The following SND1 variants were observed in gnomAD, a reference collection of about 807,000 sequenced individuals.
SND1 encodes the protein staphylococcal nuclease and tudor domain containing 1.
Under a neutral mutation model 121.7 loss-of-function variants are expected in SND1, and 38 were observed. The ratio of observed to expected loss-of-function variants is 0.31; its 90% CI spans 0.24 to 0.41. SND1 has a LOEUF of 0.41. Ranked by LOEUF, SND1 falls within the 10% of genes least tolerant of loss-of-function variation. The pLI is 1.00. For missense variants in SND1, 868 were observed against 1,184.6 expected (o/e 0.73, Z 3.92); for synonymous variants, 401 against 447.4 (o/e 0.90, Z 1.31).
At chr7:127,850,488 G>A (rs1799144939) in intron 12 of SND1, among the ~76,000 whole-genome samples, 1 of 152,206 alleles carries the variant, frequency 6.6e-6, no homozygotes, top group African/African-American at 2.4e-5. Flanking sequence ...GCTCTGCCGG[G>A]AGGTAGGGTC....
intron 12 of SND1, among the ~76,000 whole-genome samples, chr7:127,864,714 C>T (rs1418738439): frequency 2.6e-5 from 4 of 152,150 alleles, no homozygotes; most frequent in African/African-American, 7.2e-5. Flanking sequence ...GAAGGCACTT[C>T]CCTGCACTAT....
At chr7:127,655,506 T>TG (rs1453758813) in intron 1 of SND1, among the ~76,000 whole-genome samples, 1 of 152,244 alleles carries the variant, frequency 6.6e-6, no homozygotes, top group East Asian at 1.9e-4. Context: ...GCAAGGATGA[T>TG]GGAAAAACTT....
chr7:127,784,944 G>T (rs943061298), intron 10 of SND1, among the ~76,000 whole-genome samples: 3 of 152,014 alleles, frequency 2.0e-5, no homozygotes, highest in African/African-American at 7.2e-5. Flanking sequence ...TTTGAGACAG[G>T]GTCTTGCTCT....
intron 21 of SND1, among the ~76,000 whole-genome samples, chr7:128,087,362 G>C (rs368198433): frequency 1.3e-5 from 2 of 152,278 alleles, no homozygotes; most frequent in South Asian, 2.1e-4. Flanking sequence ...GAAAGGGCTT[G>C]GTGTCGTGGG....
intron 14 of SND1, among the ~76,000 whole-genome samples, chr7:127,922,199 T>TTTTTTGTTTTGTTTTG (rs1554443300): frequency 1.1e-5 from 1 of 93,546 alleles, no homozygotes; most frequent in African/African-American, 4.3e-5. Context: ...TTTTTTTTTT[T>TTTTTTGTTTTGTTTTG]TTTTGTTTTG....
At chr7:127,905,820 G>C (rs1800323908) in intron 14 of SND1, among the ~76,000 whole-genome samples, 1 of 152,204 alleles carries the variant, frequency 6.6e-6, no homozygotes, top group South Asian at 2.1e-4. Context: ...GAAGGAGGAA[G>C]AGCTGGTAAA....
At chr7:127,657,852 G>A (rs1463871833) in intron 1 of SND1, among the ~76,000 whole-genome samples, 1 of 152,126 alleles carries the variant, frequency 6.6e-6, no homozygotes, top group African/African-American at 2.4e-5. Flanking sequence ...TTCACGTTCA[G>A]TATCCCATGT....
At chr7:127,855,336 T>A (rs1486393258) in intron 12 of SND1, among the ~76,000 whole-genome samples, 1 of 152,068 alleles carries the variant, frequency 6.6e-6, no homozygotes, top group Non-Finnish European at 1.5e-5. Context: ...GGTCTCGAAC[T>A]CCTGGGCTCA....
At chr7:127,722,238 A>C (rs1372677703) in intron 10 of SND1, among the ~76,000 whole-genome samples, 1 of 151,654 alleles carries the variant, frequency 6.6e-6, no homozygotes, top group East Asian at 1.9e-4. Flanking sequence ...AAAGGCAAAC[A>C]TTTGGACAGT....
At chr7:127,869,532 A>T (rs183427120) in intron 12 of SND1, among the ~76,000 whole-genome samples, 145 of 152,292 alleles carry the variant, frequency 9.5e-4, no homozygotes, top group Admixed American at 4.8e-3. Flanking sequence ...TCCTTTCAGT[A>T]AGTTAAAATC....
chr7:127,877,069 A>G (rs1429840151), intron 12 of SND1, among the ~76,000 whole-genome samples: 1 of 152,136 alleles, frequency 6.6e-6, no homozygotes, highest in Non-Finnish European at 1.5e-5. Context: ...TGACATGGAA[A>G]TGCAGTGGTA....
intron 15 of SND1, among the ~76,000 whole-genome samples, chr7:127,946,051 A>T (rs937474017): frequency 1.3e-5 from 2 of 152,216 alleles, no homozygotes; most frequent in African/African-American, 4.8e-5. Context: ...ATTGGCTAGG[A>T]ATCAATCTGG....
chr7:127,893,070 G>T (rs1417389640), intron 13 of SND1, among the ~76,000 whole-genome samples: 1 of 152,090 alleles, frequency 6.6e-6, no homozygotes, highest in Admixed American at 6.6e-5. Context: ...CTTCTTCAGG[G>T]AATATTCCGT....
intron 14 of SND1, among the ~76,000 whole-genome samples, chr7:127,923,197 C>A (rs1375804240): frequency 6.6e-6 from 1 of 152,132 alleles, no homozygotes; most frequent in African/African-American, 2.4e-5. Context: ...AACTCCTAGC[C>A]TCATGTGATA....
chr7:127,766,839 A>G lies in SND1; in HGVS notation c.1153-40645A>G, dbSNP rs113985190. Among the ~76,000 whole-genome samples, 478 of 146,292 alleles carry G rather than the reference A, an allele frequency of 3.3e-3. 2 individuals carry two copies. The highest frequency in any genetic ancestry group is 0.011 in the African/African-American group (423 of 39,896). ...TATCTTACCGTCTCCCAGAATTGCT[A>G]TTGCCAAAATTTGGTGCAACTATGT... On this transcript the variant is annotated intron_variant, in intron 10 of 23. Transcript: ENST00000354725.
At chr7:127,781,382 C>T (rs969881060) in intron 10 of SND1, among the ~76,000 whole-genome samples, 1 of 151,930 alleles carries the variant, frequency 6.6e-6, no homozygotes, top group Non-Finnish European at 1.5e-5. Context: ...TTCCTCCCCG[C>T]CCCCCCTTCA....
At chr7:128,083,024 G>A (rs1793631849) in intron 18 of SND1, among the ~76,000 whole-genome samples, 1 of 152,192 alleles carries the variant, frequency 6.6e-6, no homozygotes, top group Non-Finnish European at 1.5e-5. Context: ...CTCCAGAGAG[G>A]AAGGCCCCTG....
At chr7:127,951,218 C>A (rs188813800) in intron 15 of SND1, among the ~76,000 whole-genome samples, 19 of 152,128 alleles carry the variant, frequency 1.2e-4, no homozygotes, top group Admixed American at 1.0e-3. Flanking sequence ...TATATACCTA[C>A]AATGGAATGT....
At chr7:127,913,842 A>G (rs1467298589) in intron 14 of SND1, among the ~76,000 whole-genome samples, 2 of 152,210 alleles carry the variant, frequency 1.3e-5, no homozygotes, top group Non-Finnish European at 2.9e-5. Context: ...TATTGCTTAT[A>G]TAAACATTTC....
Sources: gnomAD v4.1 joint callset for allele counts (sites outside exome capture counted in the v4.1 genomes callset) on GRCh38, gnomAD v4.1.1 for gene constraint, MANE v1.5 for transcripts, NCBI Gene and HGNC (gene_info 2026-07-23, HGNC 2026-07-21) for gene names.